The following KIAA1549L variants were observed in gnomAD, a reference collection of about 807,000 sequenced individuals.
KIAA1549L encodes the protein KIAA1549 like.
KIAA1549L carries 88 observed loss-of-function variants against 160.7 expected under a neutral mutation model. The observed-to-expected ratio is 0.55, with a 90% CI of 0.46 to 0.65. KIAA1549L has a LOEUF of 0.65. Ranked by LOEUF, KIAA1549L falls within the 30% of genes least tolerant of loss-of-function variation. The pLI is 0.00. For synonymous variants in KIAA1549L, 950 were observed against 976.7 expected (o/e 0.97, Z 0.51); for missense variants, 2,258 against 2,437.5 (o/e 0.93, Z 1.55).
chr11:33,649,923 TC>T (rs1851837987), intron 17 of KIAA1549L, among the ~76,000 whole-genome samples: 1 of 151,860 alleles, frequency 6.6e-6, no homozygotes, highest in East Asian at 1.9e-4. Context: ...CTTGTGTTTC[TC>T]CAAATCAATT....
At chr11:33,629,146 G>A (rs986314236) in intron 16 of KIAA1549L, among the ~76,000 whole-genome samples, 7 of 152,128 alleles carry the variant, frequency 4.6e-5, no homozygotes, top group Non-Finnish European at 7.3e-5. Context: ...AGTTTCTGCC[G>A]AGAGATCCGC....
chr11:33,494,852 C>G (rs1470203317), intron 1 of KIAA1549L, among the ~76,000 whole-genome samples: 1 of 152,162 alleles, frequency 6.6e-6, no homozygotes, highest in African/African-American at 2.4e-5. Context: ...AACGATTTGT[C>G]TTTTGGTGGT....
intron 16 of KIAA1549L, among the ~76,000 whole-genome samples, chr11:33,636,548 G>A (rs1423961362): frequency 2.0e-5 from 3 of 151,860 alleles, no homozygotes; most frequent in African/African-American, 7.3e-5. Context: ...CCAGGCTGGT[G>A]TTGAACTCCT....
chr11:33,618,644 C>T lies in KIAA1549L; in HGVS notation c.5391C>T (p.Ile1797=). ...CTCGGGAGCGACCCCGGCGTGGAAT[C>T]CGCAACAGCGGATACGATGTGAGTC... ...LVTRERPRRG[I]RNSGYDTEPE... The change falls in exon 16 of 21, where the codon ATC becomes ATT. Residue 1797 remains isoleucine (I), a synonymous_variant. Coordinates refer to ENST00000658780, the MANE Select transcript of KIAA1549L (RefSeq NM_012194.3). 1.9e-6 allele frequency: 3 copies of T among 1,597,254 alleles called. No homozygotes were observed. In the Admixed American group the frequency reaches 5.2e-5, roughly 28 times the overall value.
chr11:33,560,604 A>T (rs1033825129), intron 7 of KIAA1549L, among the ~76,000 whole-genome samples: 4 of 152,216 alleles, frequency 2.6e-5, no homozygotes, highest in African/African-American at 7.2e-5. Context: ...GATTTTGAAG[A>T]TGCAGCAGGT....
intron 17 of KIAA1549L, among the ~76,000 whole-genome samples, chr11:33,654,042 G>A (rs924616583): frequency 2.6e-5 from 4 of 151,766 alleles, no homozygotes; most frequent in Admixed American, 6.6e-5. Flanking sequence ...GCGTGATCTC[G>A]GCCCACTGCA....
At chr11:33,651,860 T>TC (rs1851900662) in intron 17 of KIAA1549L, among the ~76,000 whole-genome samples, 1 of 4,016 alleles carries the variant, frequency 2.5e-4, no homozygotes, top group Non-Finnish European at 4.2e-4. Context: ...CCCATTCCCC[T>TC]CCCCTCCCCT....
Position 33,673,146 on chromosome 11 carries a change from A to G in KIAA1549L, c.*4992A>G, listed in dbSNP as rs1852712370. On this transcript the variant is annotated 3_prime_UTR_variant, in exon 21 of 21. Coordinates refer to ENST00000658780, the MANE Select transcript of KIAA1549L (RefSeq NM_012194.3). ...GGAAATATAATTGTGCCACACACACATTACTTTAGAAGATATGCAGTTGCT... is the reference window on the plus strand; with the variant it reads ...GGAAATATAATTGTGCCACACACACGTTACTTTAGAAGATATGCAGTTGCT... 1 of 152,212 alleles carries G rather than the reference A, an allele frequency of 6.6e-6. No individual in the cohort carries two copies. Among genetic ancestry groups the G allele is most frequent in the Non-Finnish European group, 1.5e-5 (1 of 68,046 alleles). 9.4% of individuals were successfully genotyped at this position (152,212 alleles called of 1,614,324 possible). A position where few individuals can be genotyped will look rare whatever the true frequency, so the allele number is the denominator to read the frequency against.
chr11:33,584,015 G>A lies in KIAA1549L; in HGVS notation c.4566+514G>A, dbSNP rs1379258177. 2.0e-5 allele frequency among the ~76,000 whole-genome samples: 3 copies of A among 152,308 alleles called. 1 individual carries two copies. The highest frequency in any genetic ancestry group is 4.4e-5 in the Non-Finnish European group (3 of 68,022). ...GTATTAGGAGATAGGGCCTTTGGGA[G>A]GAGATTAGGTCATGAGGGTGAAACC... On this transcript the variant is annotated intron_variant, in intron 11 of 20. Transcript: ENST00000658780.
intron 8 of KIAA1549L, 85 bp downstream of exon 8, chr11:33,561,820 T>G (rs927091368): frequency 1.0e-6 from 1 of 985,068 alleles, no homozygotes; most frequent in African/African-American, 1.6e-5. Flanking sequence ...ATTAATAAGA[T>G]TGGCACTTTT....
chr11:33,537,914 T>G (rs939956649), intron 1 of KIAA1549L, among the ~76,000 whole-genome samples: 3 of 152,238 alleles, frequency 2.0e-5, no homozygotes, highest in East Asian at 1.9e-4. Context: ...ATGTTTCCCC[T>G]AAATCTTTAA....
At chr11:33,652,491 T>C (rs747807381) in intron 17 of KIAA1549L, among the ~76,000 whole-genome samples, 23 of 152,178 alleles carry the variant, frequency 1.5e-4, no homozygotes, top group Non-Finnish European at 2.9e-4. Flanking sequence ...TTGCTGCTTG[T>C]CAGAAGTTCA....
At chr11:33,568,350 A>G (rs972658982) in intron 9 of KIAA1549L, 123 bp downstream of exon 9, 2 of 880,942 alleles carry the variant, frequency 2.3e-6, no homozygotes, top group South Asian at 2.1e-5. Context: ...TGACTAAGCC[A>G]TTTTATCAAG....
At chr11:33,480,417 T>C (rs74846899) in intron 1 of KIAA1549L, among the ~76,000 whole-genome samples, 3,711 of 152,322 alleles carry the variant, frequency 0.024, 109 homozygotes, top group South Asian at 0.089. Context: ...GGCTTTACTT[T>C]ATTTGCTCGT....
At chr11:33,419,905 CATAT>C (rs57056542) in intron 1 of KIAA1549L, among the ~76,000 whole-genome samples, 1,053 of 53,576 alleles carry the variant, frequency 0.02, 14 homozygotes, top group African/African-American at 0.047. Context: ...TACATACATA[CATAT>C]ATATATATGA....
intron 1 of KIAA1549L, among the ~76,000 whole-genome samples, chr11:33,465,014 C>T (rs1852022632): frequency 6.6e-6 from 1 of 151,380 alleles, no homozygotes; most frequent in African/African-American, 2.4e-5. Context: ...ATCCTTCCTC[C>T]ACTCCACATT....
rs557494513 is a variant in KIAA1549L, at chr11:33,492,894, C to T, written c.239-48908C>T. On this transcript the variant is annotated intron_variant, in intron 1 of 20. Transcript: ENST00000658780. ...TTTCTGCTTTGTTAACATTAGTATT[C>T]GCAGTACTAATGTGGAGGGAGGAGG... Among the ~76,000 whole-genome samples, 7 of 152,108 alleles carry T rather than the reference C, an allele frequency of 4.6e-5. No individual in the cohort carries two copies. The South Asian group carries it at 6.2e-4, about 14-fold the overall frequency.
At chr11:33,527,963 G>C (rs1853651807) in intron 1 of KIAA1549L, among the ~76,000 whole-genome samples, 2 of 152,088 alleles carry the variant, frequency 1.3e-5, no homozygotes, top group Admixed American at 1.3e-4. Context: ...TTCCTGTGCT[G>C]TTCTCATGAT....
At chr11:33,401,170 C>T (rs572475780) in intron 1 of KIAA1549L, among the ~76,000 whole-genome samples, 4 of 150,088 alleles carry the variant, frequency 2.7e-5, no homozygotes, top group South Asian at 2.1e-4. Context: ...TGTGAGTAAG[C>T]GTGGCTGTGG....
Sources: allele counts gnomAD v4.1 joint callset (sites outside exome capture counted in the v4.1 genomes callset), GRCh38; gene constraint gnomAD v4.1.1; transcripts MANE v1.5; gene names NCBI Gene and HGNC (gene_info 2026-07-23, HGNC 2026-07-21).